Variants in SPSB4 observed in about 807,000 individuals in gnomAD.
SPSB4 encodes splA/ryanodine receptor domain and SOCS box containing 4.
Under a neutral mutation model 20.9 loss-of-function variants are expected in SPSB4, and 21 were observed. The observed-to-expected ratio is 1.01, with a 90% CI of 0.71 to 1.45. The LOEUF (loss-of-function observed/expected upper bound fraction) is 1.45. Ranked by LOEUF, SPSB4 falls within the 40% of genes most tolerant of loss-of-function variation. The pLI is 0.00. For missense variants in SPSB4, 399 were observed against 399.2 expected, an observed-to-expected ratio of 1.00 and a Z score of 0.00; for synonymous variants, 207 against 183.8, an observed-to-expected ratio of 1.13 and a Z score of -1.02.
At chr3:141,094,729 AT>A (rs1283302054) in intron 2 of SPSB4, among the ~76,000 whole-genome samples, 3 of 151,622 alleles carry the variant, frequency 2.0e-5, no homozygotes, top group Non-Finnish European at 4.4e-5. Context: ...ATGCTGGCTT[AT>A]TTCTTGGCCT....
At chr3:141,121,937 C>T (rs571712738) in intron 2 of SPSB4, among the ~76,000 whole-genome samples, 4 of 152,258 alleles carry the variant, frequency 2.6e-5, no homozygotes, top group East Asian at 1.9e-4. Context: ...ACTCATTCTC[C>T]GTCTAGTTTT....
chr3:141,066,285 C>G lies in SPSB4; in HGVS notation c.181C>G (p.Arg61Gly). 6.4e-7 allele frequency: 1 copy of G among 1,566,496 alleles called. No individual in the cohort carries two copies. The highest frequency in any genetic ancestry group is 1.2e-5 in the South Asian group (1 of 85,058). The change falls in exon 2 of 3, where the codon CGC (arginine) becomes GGC (glycine). Residue 61 changes from arginine (R) to glycine (G), a missense_variant. By Grantham distance (125) the Arg-to-Gly change is moderately radical (BLOSUM62 -2). Coordinates refer to ENST00000310546, the MANE Select transcript of SPSB4 (RefSeq NM_080862.3). ...GCGGCACGCGTGGAACCCCGAGGAC[C>G]GCTCGCTCAACGTCTTCGTCAAGGA... ...QLRHAWNPED[R>G]SLNVFVKDDD...
chr3:141,066,815 TG>T lies in SPSB4; in HGVS notation c.694+23del. The T allele has an allele frequency of 6.6e-7, 1 of 1,511,792 alleles. No individual in the cohort carries two copies. Among genetic ancestry groups the T allele is most frequent in the Non-Finnish European group, 8.9e-7 (1 of 1,126,236 alleles). 93.6% of individuals were successfully genotyped at this position (1,511,792 alleles called of 1,614,324 possible). A position where few individuals can be genotyped will look rare whatever the true frequency, so the allele number is the denominator to read the frequency against. ...GCCTTGACCGTAAGTTGTGCTGGGC[TG>T]GGGGGCAGGGCTTTCAGAGGCTGCC... On this transcript the variant is annotated intron_variant, in intron 2 of 2. Coordinates refer to ENST00000310546, the MANE Select transcript of SPSB4 (RefSeq NM_080862.3).
chr3:141,106,400 G>A lies in SPSB4; in HGVS notation c.694+39602G>A, dbSNP rs551877408. On this transcript the variant is annotated intron_variant, in intron 2 of 2. Coordinates refer to ENST00000310546, the MANE Select transcript of SPSB4 (RefSeq NM_080862.3). ...CCCATTATGGCTTTTCACCCTCCCT[G>A]GGATCTGCTCTGACTGCAGTCCTCT... Among the ~76,000 whole-genome samples, 86 of 152,210 alleles carry A rather than the reference G, an allele frequency of 5.7e-4. 1 individual carries two copies. The South Asian group carries it at 0.017, about 31-fold the overall frequency.
Position 141,098,442 on chromosome 3 carries a change from G to T in SPSB4, c.694+31644G>T, listed in dbSNP as rs568564471. On this transcript the variant is annotated intron_variant, in intron 2 of 2. Transcript: ENST00000310546. The stretch of plus-strand genomic sequence containing the variant: ...ATGTCTTTCCATTTATTCAGCTTTT[G>T]TTATATCTTTTAGTATATTTAATTT... 3.3e-5 allele frequency among the ~76,000 whole-genome samples: 5 copies of T among 152,080 alleles called. No homozygotes were observed. The East Asian group carries it at 9.7e-4, about 29-fold the overall frequency.
chr3:141,073,843 CA>C (rs1384827881), intron 2 of SPSB4, among the ~76,000 whole-genome samples: 1 of 152,158 alleles, frequency 6.6e-6, no homozygotes, highest in Non-Finnish European at 1.5e-5. Context: ...TGTCCCTGCA[CA>C]CAGGCCAAGC....
chr3:141,144,128 A>C (rs1939375647), intron 2 of SPSB4, among the ~76,000 whole-genome samples: 1 of 152,200 alleles, frequency 6.6e-6, no homozygotes, highest in African/African-American at 2.4e-5. Flanking sequence ...ATATTTGACA[A>C]CTTCTAAGCA....
At chr3:141,079,261 T>C (rs1008508817) in intron 2 of SPSB4, among the ~76,000 whole-genome samples, 3 of 131,714 alleles carry the variant, frequency 2.3e-5, no homozygotes, top group African/African-American at 6.9e-5. Context: ...CAAGACTCCA[T>C]CTCAAAAAAA....
At chr3:141,145,744 T>C (rs923775488) in intron 2 of SPSB4, among the ~76,000 whole-genome samples, 3 of 152,164 alleles carry the variant, frequency 2.0e-5, no homozygotes, top group Admixed American at 6.5e-5. Context: ...CCATACCAGA[T>C]GCCATGTGAC....
At chr3:141,095,882 A>C (rs943984793) in intron 2 of SPSB4, among the ~76,000 whole-genome samples, 2 of 152,136 alleles carry the variant, frequency 1.3e-5, no homozygotes, top group Non-Finnish European at 2.9e-5. Flanking sequence ...TTGGGGCCCA[A>C]GGCCTAGATT....
chr3:141,114,242 G>A (rs1034764966), intron 2 of SPSB4, among the ~76,000 whole-genome samples: 2 of 152,214 alleles, frequency 1.3e-5, no homozygotes, highest in South Asian at 2.1e-4. Flanking sequence ...TCAGTCAATC[G>A]CCCTGAGCAT....
At chr3:141,073,198 TG>T (rs957836589) in intron 2 of SPSB4, among the ~76,000 whole-genome samples, 3 of 152,360 alleles carry the variant, frequency 2.0e-5, no homozygotes, top group Non-Finnish European at 4.4e-5. Context: ...TCAGAGTTGC[TG>T]TGAGTATTAG....
At chr3:141,130,911 C>T (rs79749007) in intron 2 of SPSB4, among the ~76,000 whole-genome samples, 4,218 of 152,250 alleles carry the variant, frequency 0.028, 204 homozygotes, top group African/African-American at 0.097. Flanking sequence ...ATTACCTTGT[C>T]ATATTTTTAG....
chr3:141,141,237 T>C (rs999451472), intron 2 of SPSB4, among the ~76,000 whole-genome samples: 1 of 152,160 alleles, frequency 6.6e-6, no homozygotes, highest in African/African-American at 2.4e-5. Context: ...GTCACCCCTT[T>C]CTTTGACTAG....
chr3:141,147,068 A>G, intron 2 of SPSB4, 74 bp from the exon 3 acceptor site: 2 of 1,589,934 alleles, frequency 1.3e-6, no homozygotes, highest in Non-Finnish European at 1.7e-6. Flanking sequence ...AGGAGGCGGT[A>G]TGCAGTGGGG....
At chr3:141,128,518 G>A (rs544480273) in intron 2 of SPSB4, among the ~76,000 whole-genome samples, 2 of 152,208 alleles carry the variant, frequency 1.3e-5, no homozygotes, top group South Asian at 4.1e-4. Context: ...ATATGGCAGA[G>A]GAGCCAGGAG....
chr3:141,142,083 G>C (rs111678189), intron 2 of SPSB4, among the ~76,000 whole-genome samples: 1 of 152,080 alleles, frequency 6.6e-6, no homozygotes, highest in Non-Finnish European at 1.5e-5. Flanking sequence ...CTTCTGCTGA[G>C]TTTGAGTTTA....
chr3:141,146,926 G>T (rs1036280784), intron 2 of SPSB4, among the ~76,000 whole-genome samples: 1 of 151,864 alleles, frequency 6.6e-6, no homozygotes, highest in Non-Finnish European at 1.5e-5. Flanking sequence ...AATTGATTTT[G>T]TGACTCTTTA....
intron 2 of SPSB4, among the ~76,000 whole-genome samples, chr3:141,125,187 A>G (rs994737892): frequency 3.3e-5 from 5 of 152,042 alleles, no homozygotes; most frequent in Admixed American, 2.0e-4. Flanking sequence ...CCTTTATATA[A>G]TTTTTTTCAT....
Sources: gnomAD v4.1 joint callset for allele counts (sites outside exome capture counted in the v4.1 genomes callset) on GRCh38, gnomAD v4.1.1 for gene constraint, MANE v1.5 for transcripts, NCBI Gene and HGNC (gene_info 2026-07-23, HGNC 2026-07-21) for gene names.